The following JPH1 variants were observed in gnomAD, a reference collection of about 807,000 sequenced individuals.
The protein encoded by JPH1 is junctophilin-1.
In JPH1, 12 loss-of-function variants were observed where a neutral mutation model predicts 53.6. That is an observed-to-expected ratio of 0.22 (90% CI 0.14 to 0.36). The LOEUF (loss-of-function observed/expected upper bound fraction) is 0.36, where lower values mean the gene tolerates loss of function less well. Among genes scored for constraint, JPH1 ranks in the 10% least tolerant of loss-of-function variants. The probability of loss-of-function intolerance (pLI) is 1.00; values close to 1 mark genes in which losing one functional copy is unlikely to be tolerated. For synonymous variants in JPH1, 375 were observed against 363.8 expected, an observed-to-expected ratio of 1.03 and a Z score of -0.35; for missense variants, 808 against 905.5, an observed-to-expected ratio of 0.89 and a Z score of 1.38.
chr8:74,244,754 G>A lies in JPH1; in HGVS notation c.1680C>T (p.Pro560=), dbSNP rs1468715239. Residue 560 remains proline (P), a synonymous_variant, in exon 4 of 6, where the codon CCC becomes CCT. Coordinates refer to ENST00000342232, the MANE Select transcript of JPH1 (RefSeq NM_020647.4). ...YHGYYVKLNA[P]QHPPVDVEDG... ...CCTCCACGTCTACTGGAGGGTGCTGGGGGGCGTTCAGCTTCACGTAGTAGC... is the reference window on the plus strand; with the variant it reads ...CCTCCACGTCTACTGGAGGGTGCTGAGGGGCGTTCAGCTTCACGTAGTAGC... The A allele has an allele frequency of 6.2e-7, 1 of 1,614,184 alleles. No individual in the cohort carries two copies. Among genetic ancestry groups the A allele is most frequent in the Admixed American group, 1.7e-5 (1 of 60,014 alleles).
chr8:74,315,725 C>T lies in JPH1; in HGVS notation c.380-105G>A, dbSNP rs1453506805. 10 of 1,161,982 alleles carry T rather than the reference C, an allele frequency of 8.6e-6. No individual in the cohort carries two copies. Among genetic ancestry groups the T allele is most frequent in the East Asian group, 2.7e-5 (1 of 36,524 alleles). The allele number at this position is 1,161,982 out of a possible 1,614,324, so 72.0% of individuals were successfully genotyped here. A position where few individuals can be genotyped will look rare whatever the true frequency, so the allele number is the denominator to read the frequency against. On this transcript the variant is annotated intron_variant, in intron 1 of 5. Coordinates refer to ENST00000342232, the MANE Select transcript of JPH1 (RefSeq NM_020647.4). This position sits in a 1 kb window ranked among gnomAD's most constrained non-coding sequence, Gnocchi z 6.3. Reference sequence around the variant, plus strand: ...CAGGCCTGCCCAAGGTCAAATCTGACCCATTTCCAAGTCAACCCTGGGGGA... The same window carrying T: ...CAGGCCTGCCCAAGGTCAAATCTGATCCATTTCCAAGTCAACCCTGGGGGA...
chr8:74,266,738 A>G (rs1806543785), intron 2 of JPH1, among the ~76,000 whole-genome samples: 1 of 152,218 alleles, frequency 6.6e-6, no homozygotes, highest in Non-Finnish European at 1.5e-5. Context: ...ATGTACTACT[A>G]TTTACAGAGC....
chr8:74,298,763 G>A (rs1320094926), intron 2 of JPH1, among the ~76,000 whole-genome samples: 1 of 152,146 alleles, frequency 6.6e-6, no homozygotes, highest in Non-Finnish European at 1.5e-5. Context: ...TCCTACAACA[G>A]CATTCATTTT....
intron 2 of JPH1, among the ~76,000 whole-genome samples, chr8:74,262,131 T>C (rs1381135238): frequency 6.6e-6 from 1 of 152,174 alleles, no homozygotes; most frequent in African/African-American, 2.4e-5. Flanking sequence ...GCTGGCCAGA[T>C]GAGTCAAGAC....
chr8:74,321,358 G>A lies in JPH1; in HGVS notation c.-71C>T, dbSNP rs1808321312. The A allele has an allele frequency of 4.3e-6, 6 of 1,382,150 alleles. No homozygotes were observed. Among genetic ancestry groups the A allele is most frequent in the Non-Finnish European group, 5.6e-6 (6 of 1,066,808 alleles). 85.6% of individuals were successfully genotyped at this position (1,382,150 alleles called of 1,614,324 possible). A position where few individuals can be genotyped will look rare whatever the true frequency, so the allele number is the denominator to read the frequency against. On this transcript the variant is annotated 5_prime_UTR_variant, in exon 1 of 6. Coordinates refer to ENST00000342232, the MANE Select transcript of JPH1 (RefSeq NM_020647.4). This position sits in a 1 kb window ranked among gnomAD's most constrained non-coding sequence, Gnocchi z 4.3. ...GCAGTGCTGGGCACGGCAGGGTGTA[G>A]CTCGGGGGTGGGGGCCCGGCGGGCG... is the stretch of plus-strand genomic sequence containing the variant.
chr8:74,294,685 C>G (rs1807452208), intron 2 of JPH1, among the ~76,000 whole-genome samples: 1 of 152,154 alleles, frequency 6.6e-6, no homozygotes, highest in Non-Finnish European at 1.5e-5. Flanking sequence ...GAGTCCGTAT[C>G]TTTTTCATTT....
intron 2 of JPH1, among the ~76,000 whole-genome samples, chr8:74,292,720 T>G (rs1454507023): frequency 2.0e-5 from 3 of 152,208 alleles, no homozygotes; most frequent in African/African-American, 7.2e-5. Context: ...TTTCTCATAC[T>G]TTAAATTCTG....
At chr8:74,242,588 T>A (rs1805727681) in intron 4 of JPH1, among the ~76,000 whole-genome samples, 1 of 152,260 alleles carries the variant, frequency 6.6e-6, no homozygotes, top group African/African-American at 2.4e-5. Flanking sequence ...GGTCATCCAC[T>A]GACAACATTT....
intron 2 of JPH1, among the ~76,000 whole-genome samples, chr8:74,304,584 C>T (rs77727620): frequency 0.028 from 4,189 of 152,132 alleles, 188 homozygotes; most frequent in African/African-American, 0.093. Context: ...AAATGCTTCC[C>T]TAATGGATGG....
At position 74,320,721 on chromosome 8, in the gene JPH1, C is replaced by A. The variant is rs1808290664; in HGVS notation, c.379+188G>T. Reference sequence around the variant, plus strand: ...AGAACGGGGTCAGATCCAGCCCTCGCGCCCCAGTCCGGTCCCAGCGCCCTC... The same window carrying A: ...AGAACGGGGTCAGATCCAGCCCTCGAGCCCCAGTCCGGTCCCAGCGCCCTC... On this transcript the variant is annotated intron_variant, in intron 1 of 5. Coordinates refer to ENST00000342232, the MANE Select transcript of JPH1 (RefSeq NM_020647.4). This position sits in a 1 kb window ranked among gnomAD's most constrained non-coding sequence, Gnocchi z 4.4. Among the ~76,000 whole-genome samples the A allele has an allele frequency of 6.6e-6, 1 of 152,160 alleles. No individual in the cohort carries two copies. The highest frequency in any genetic ancestry group is 2.1e-4 in the South Asian group (1 of 4,830).
Position 74,236,350 on chromosome 8 carries a change from G to T in JPH1, c.*701C>A, listed in dbSNP as rs555144033. ...GAGATGCAACACGTGTGTTTCGTCC[G>T]GCCAGGACCGCAGGTGGTAGATGAC... On this transcript the variant is annotated 3_prime_UTR_variant, in exon 6 of 6. Transcript: ENST00000342232. 6.6e-6 allele frequency: 1 copy of T among 152,200 alleles called. No homozygotes were observed. The highest frequency in any genetic ancestry group is 2.4e-5 in the African/African-American group (1 of 41,376). 9.4% of individuals were successfully genotyped at this position (152,200 alleles called of 1,614,324 possible).
In JPH1 at chr8:74,235,607, A is replaced by G. The variant is rs1428402450; in HGVS notation, c.*1444T>C. ...TAAAGATTTAATAGATTAGATAGAT[A>G]TCTTTCTTCCCCTGATTTCTTTTTA... is the stretch of plus-strand genomic sequence containing the variant. On this transcript the variant is annotated 3_prime_UTR_variant, in exon 6 of 6. Transcript: ENST00000342232. The G allele has an allele frequency of 6.6e-6, 1 of 152,632 alleles. No homozygotes were observed. The highest frequency in any genetic ancestry group is 1.5e-5 in the Non-Finnish European group (1 of 68,022). The allele number at this position is 152,632 out of a possible 1,614,324, so 9.5% of individuals were successfully genotyped here. A position where few individuals can be genotyped will look rare whatever the true frequency, so the allele number is the denominator to read the frequency against.
chr8:74,265,280 TC>T (rs1487655633), intron 2 of JPH1, among the ~76,000 whole-genome samples: 1 of 152,214 alleles, frequency 6.6e-6, no homozygotes, highest in Non-Finnish European at 1.5e-5. Flanking sequence ...TTGTAAGATT[TC>T]TTTTTGTCCA....
chr8:74,270,040 A>G (rs1027684803), intron 2 of JPH1, among the ~76,000 whole-genome samples: 1 of 152,128 alleles, frequency 6.6e-6, no homozygotes, highest in Admixed American at 6.5e-5. Flanking sequence ...ATTTTAATAC[A>G]TTTATGCTTC....
chr8:74,298,445 G>C (rs747651850), intron 2 of JPH1, among the ~76,000 whole-genome samples: 6 of 152,100 alleles, frequency 3.9e-5, no homozygotes, highest in Non-Finnish European at 8.8e-5. Context: ...AATCTACCTT[G>C]AGCACTGTAG....
chr8:74,254,309 T>C (rs1586737720), intron 3 of JPH1, among the ~76,000 whole-genome samples: 2 of 152,196 alleles, frequency 1.3e-5, no homozygotes, highest in East Asian at 3.9e-4. Flanking sequence ...ATTATCTCAA[T>C]AGATGCAGAA....
chr8:74,243,095 A>G (rs1172570649), intron 4 of JPH1, among the ~76,000 whole-genome samples: 3 of 152,234 alleles, frequency 2.0e-5, no homozygotes, highest in African/African-American at 7.2e-5. Context: ...ATGGCCTTGC[A>G]TTGTTTGAAT....
chr8:74,267,403 C>A (rs1232564386), intron 2 of JPH1, among the ~76,000 whole-genome samples: 7 of 152,192 alleles, frequency 4.6e-5, no homozygotes, highest in Admixed American at 4.6e-4. Context: ...CTTGTTCTTG[C>A]ATAAATCCTG....
chr8:74,265,376 A>G (rs1171643819), intron 2 of JPH1, among the ~76,000 whole-genome samples: 2 of 152,210 alleles, frequency 1.3e-5, no homozygotes, highest in East Asian at 3.8e-4. Context: ...ACATTTGATC[A>G]AAAACTTAAT....
Sources: gnomAD v4.1 joint callset for allele counts (sites outside exome capture counted in the v4.1 genomes callset) on GRCh38, gnomAD v4.1.1 for gene constraint, Gnocchi (gnomAD v3.1) non-coding constraint, MANE v1.5 for transcripts, NCBI Gene and HGNC (gene_info 2026-07-23, HGNC 2026-07-21) for gene names.